The following MRPL44 variants were observed in gnomAD, a reference collection of about 807,000 sequenced individuals.
The protein encoded by MRPL44 is mitochondrial ribosomal protein L44, also known as large ribosomal subunit protein mL44.
A neutral mutation model predicts 25.9 loss-of-function variants in MRPL44; 21 were observed. The observed-to-expected ratio is 0.81, with a 90% CI of 0.58 to 1.17. The LOEUF (loss-of-function observed/expected upper bound fraction) is 1.17, where lower values mean the gene tolerates loss of function less well. Ranked by LOEUF, MRPL44 falls within the 50% of genes most tolerant of loss-of-function variation. MRPL44 has a pLI of 0.00. For missense variants in MRPL44, 410 were observed against 398.9 expected, an observed-to-expected ratio of 1.03 and a Z score of -0.24; for synonymous variants, 169 against 151.0, an observed-to-expected ratio of 1.12 and a Z score of -0.87.
chr2:223,960,937 G>A (rs1405583070), intron 2 of MRPL44, among the ~76,000 whole-genome samples: 1 of 152,196 alleles, frequency 6.6e-6, no homozygotes, highest in Admixed American at 6.5e-5. Flanking sequence ...CGTCTTAACA[G>A]TTCCAAGTAA....
upstream of MRPL44, among the ~76,000 whole-genome samples, chr2:223,956,455 T>G (rs1361201663): frequency 2.6e-5 from 4 of 152,172 alleles, no homozygotes; most frequent in East Asian, 7.7e-4. Flanking sequence ...GTAGGTGAGC[T>G]GTGTCTGGGG....
upstream of MRPL44, chr2:223,957,402 CG>C (rs1689582090): frequency 1.9e-6 from 3 of 1,584,554 alleles, no homozygotes; most frequent in Non-Finnish European, 1.7e-6. Flanking sequence ...TTCCGGGTTC[CG>C]GGGGAAGTGT....
upstream of MRPL44, among the ~76,000 whole-genome samples, chr2:223,954,848 T>C (rs1689542084): frequency 6.6e-6 from 1 of 152,236 alleles, no homozygotes; most frequent in African/African-American, 2.4e-5. Flanking sequence ...GTGGGGCTTG[T>C]TGAGAGCCAT....
the MRPL44 span, among the ~76,000 whole-genome samples, chr2:223,951,201 G>A: frequency 6.6e-6 from 1 of 152,238 alleles, no homozygotes; most frequent in Admixed American, 6.5e-5. Flanking sequence ...ATGAATGCCA[G>A]GGGTAAAACC....
chr2:223,960,132 T>C (rs1689635364), intron 2 of MRPL44, 130 bp downstream of exon 2: 1 of 674,196 alleles, frequency 1.5e-6, no homozygotes, highest in Admixed American at 3.2e-5. Context: ...GACCTAAAGG[T>C]TTTTTATGGA....
chr2:223,954,813 T>A (rs571413868), upstream of MRPL44, among the ~76,000 whole-genome samples: 1 of 152,216 alleles, frequency 6.6e-6, no homozygotes, highest in Admixed American at 6.5e-5. Context: ...GAGAGGGGAA[T>A]GTACAAGGGT....
At chr2:223,959,383 A>C in intron 1 of MRPL44, 151 bp from the exon 2 acceptor site, 1 of 631,444 alleles carries the variant, frequency 1.6e-6, no homozygotes, top group Non-Finnish European at 2.7e-6. Flanking sequence ...TTTAGTCTTA[A>C]CATTTAGAAT....
intron 2 of MRPL44, among the ~76,000 whole-genome samples, chr2:223,961,270 C>G (rs931844059): frequency 6.6e-6 from 1 of 152,140 alleles, no homozygotes; most frequent in Admixed American, 6.5e-5. Context: ...GATTTGTGCC[C>G]CTTAAAAGGA....
upstream of MRPL44, among the ~76,000 whole-genome samples, chr2:223,956,537 T>C (rs2106114528): frequency 6.6e-6 from 1 of 152,144 alleles, no homozygotes; most frequent in South Asian, 2.1e-4. Context: ...GTACCTGCAG[T>C]GGAAATAAAT....
chr2:223,964,603 A>G, intron 3 of MRPL44, among the ~76,000 whole-genome samples: 1 of 152,182 alleles, frequency 6.6e-6, no homozygotes, highest in East Asian at 1.9e-4. Context: ...GAAATGCAAA[A>G]ACAGTGAGAT....
chr2:223,951,653 A>G, the MRPL44 span, among the ~76,000 whole-genome samples: 1 of 151,584 alleles, frequency 6.6e-6, no homozygotes, highest in Non-Finnish European at 1.5e-5. Context: ...TAATTTTTGT[A>G]TTTTTAGTAG....
intron 2 of MRPL44, among the ~76,000 whole-genome samples, chr2:223,962,753 T>G (rs1689683541): frequency 1.3e-5 from 2 of 152,114 alleles, no homozygotes; most frequent in South Asian, 2.1e-4. Context: ...GGCTGGAGTG[T>G]AGTGGTAGCA....
At position 223,967,188 on chromosome 2, in the gene MRPL44, A is replaced by G; in HGVS notation, c.*154A>G. 1 of 760,602 alleles carries G rather than the reference A, an allele frequency of 1.3e-6. No individual in the cohort carries two copies. Among genetic ancestry groups the G allele is most frequent in the Non-Finnish European group, 2.0e-6 (1 of 505,046 alleles). The allele number at this position is 760,602 out of a possible 1,614,324, so 47.1% of individuals were successfully genotyped here. On this transcript the variant is annotated 3_prime_UTR_variant, in exon 4 of 4. Coordinates refer to ENST00000258383, the MANE Select transcript of MRPL44 (RefSeq NM_022915.5). The stretch of plus-strand genomic sequence containing the variant: ...AAATTAAATAAGTGTTAACCAAGTC[A>G]CAGTGTTTTTGGTTTTGTTTTTCTG...
chr2:223,965,298 AATT>A (rs1216828257), intron 3 of MRPL44, among the ~76,000 whole-genome samples: 13 of 152,192 alleles, frequency 8.5e-5, no homozygotes, highest in African/African-American at 1.7e-4. Flanking sequence ...TTTCATTTCC[AATT>A]ATTGTCATAA....
intron 3 of MRPL44, 44 bp from the exon 4 acceptor site, chr2:223,966,819 C>G (rs753299871): frequency 1.9e-6 from 3 of 1,568,982 alleles, no homozygotes; most frequent in South Asian, 2.3e-5. Flanking sequence ...TACTGTCTTA[C>G]AATATTCCAT....
chr2:223,955,922 A>G (rs1429165702), upstream of MRPL44, among the ~76,000 whole-genome samples: 1 of 152,262 alleles, frequency 6.6e-6, no homozygotes, highest in South Asian at 2.1e-4. Flanking sequence ...CATGAAGGGC[A>G]TTAGTAGAAG....
In MRPL44 at chr2:223,957,650, C is replaced by T. The variant is rs753136403; in HGVS notation, c.178C>T (p.Arg60Cys). The change falls in exon 1 of 4, where the codon CGT (arginine) becomes TGT (cysteine). Residue 60 changes from arginine to cysteine, a missense_variant and splice_region_variant. By Grantham distance (180) the Arg-to-Cys change is radical (BLOSUM62 -3). Transcript: ENST00000258383. ...LLRCPPPPVRRSEKPNWDYHA... is the reference protein window; with the variant it reads ...LLRCPPPPVRCSEKPNWDYHA... ...GCGGTGCCCGCCGCCGCCCGTGCGC[C>T]GGTAGGAGCCACCTCGGGAAGAGGT... is the stretch of plus-strand genomic sequence containing the variant. 5 of 1,604,862 alleles carry T rather than the reference C, an allele frequency of 3.1e-6. No individual in the cohort carries two copies. In the African/African-American group the frequency reaches 4.0e-5, roughly 13 times the overall value.
intron 2 of MRPL44, among the ~76,000 whole-genome samples, chr2:223,961,998 C>G (rs1469230961): frequency 3.9e-5 from 6 of 152,154 alleles, no homozygotes; most frequent in Non-Finnish European, 2.9e-5. Flanking sequence ...ATATCTACCT[C>G]TGTACATTAA....
At chr2:223,952,627 G>A (rs62185706), upstream of MRPL44, among the ~76,000 whole-genome samples, 54,472 of 151,950 alleles carry the variant, frequency 0.36, 10,743 homozygotes, top group Non-Finnish European at 0.44. Context: ...TTTTAATTTT[G>A]GCCTAAAGGT....
Sources: gnomAD v4.1 joint callset for allele counts (sites outside exome capture counted in the v4.1 genomes callset) on GRCh38, gnomAD v4.1.1 for gene constraint, MANE v1.5 for transcripts, NCBI Gene and HGNC (gene_info 2026-07-23, HGNC 2026-07-21) for gene names.